Variants in LY86 observed in about 807,000 individuals in gnomAD.
The protein encoded by LY86 is lymphocyte antigen 86, also known as MD-1, RP105-associated.
A neutral mutation model predicts 17.3 loss-of-function variants in LY86; 20 were observed. The ratio of observed to expected loss-of-function variants is 1.15; its 90% CI spans 0.81 to 1.68. The LOEUF (loss-of-function observed/expected upper bound fraction) is 1.68. LY86 is among the 40% of genes most tolerant of loss of function. The pLI, the probability that LY86 is intolerant of heterozygous loss-of-function variation, is 0.00. For missense variants in LY86, 200 were observed against 191.9 expected, an observed-to-expected ratio of 1.04 and a Z score of -0.25; for synonymous variants, 74 against 70.6, an observed-to-expected ratio of 1.05 and a Z score of -0.24.
chr6:6,633,682 C>G (rs1291231714), intron 3 of LY86, among the ~76,000 whole-genome samples: 1 of 152,182 alleles, frequency 6.6e-6, no homozygotes, highest in East Asian at 1.9e-4. Flanking sequence ...GACATGTCAA[C>G]TATCAAACCT....
At chr6:6,603,808 C>A (rs1234519375) in intron 1 of LY86, among the ~76,000 whole-genome samples, 3 of 151,650 alleles carry the variant, frequency 2.0e-5, no homozygotes, top group African/African-American at 4.8e-5. Flanking sequence ...GAAGCTACAA[C>A]CTTCTAAGAG....
intron 3 of LY86, among the ~76,000 whole-genome samples, chr6:6,643,263 G>A (rs1051926049): frequency 5.3e-5 from 8 of 152,148 alleles, no homozygotes; most frequent in Non-Finnish European, 1.2e-4. Flanking sequence ...TAGCCAAGAT[G>A]TAAAAACAAC....
intron 1 of LY86, among the ~76,000 whole-genome samples, chr6:6,600,954 T>C (rs946355977): frequency 1.3e-5 from 2 of 152,198 alleles, no homozygotes; most frequent in African/African-American, 4.8e-5. Flanking sequence ...TGCCTCACAC[T>C]TGACTTCAGT....
rs770610886 is a variant in LY86 at position 6,588,721 on chromosome 6, T to C, written c.-14T>C. 2 of 1,613,722 alleles carry C rather than the reference T, an allele frequency of 1.2e-6. No homozygotes were observed. Among genetic ancestry groups the C allele is most frequent in the Non-Finnish European group, 1.7e-6 (2 of 1,179,692 alleles). The stretch of plus-strand genomic sequence containing the variant: ...GCCGGTTATTTTTCTGTGTGTCCCA[T>C]ACAGGCCCCCACCATGAAGGGTTTC... On this transcript the variant is annotated 5_prime_UTR_variant, in exon 1 of 5. Transcript: ENST00000230568.
rs372763230 is a variant in LY86, at chr6:6,619,448, T to C, written c.137-5478T>C. 2.8e-4 allele frequency among the ~76,000 whole-genome samples: 43 copies of C among 152,344 alleles called. No individual in the cohort carries two copies. The South Asian group carries it at 8.9e-3, about 32-fold the overall frequency. Reference sequence around the variant, plus strand: ...TAAACAACCATCCAGTACTGTTTTATTGAGCAGTCAGAAGCAGACCAGCTT... The same window carrying C: ...TAAACAACCATCCAGTACTGTTTTACTGAGCAGTCAGAAGCAGACCAGCTT... On this transcript the variant is annotated intron_variant, in intron 1 of 4. Transcript: ENST00000230568.
chr6:6,598,469 C>A (rs1760788220), intron 1 of LY86, among the ~76,000 whole-genome samples: 1 of 152,232 alleles, frequency 6.6e-6, no homozygotes, highest in African/African-American at 2.4e-5. Context: ...AAGATAAAGG[C>A]TATCTCTTCA....
chr6:6,605,917 A>G (rs892694617), intron 1 of LY86, among the ~76,000 whole-genome samples: 1 of 152,180 alleles, frequency 6.6e-6, no homozygotes, highest in African/African-American at 2.4e-5. Flanking sequence ...TCAGGAATGA[A>G]GCTGCAGACC....
intron 1 of LY86, chr6:6,622,701 T>C (rs1201516807): frequency 6.6e-6 from 1 of 152,032 alleles, no homozygotes; most frequent in Non-Finnish European, 1.5e-5. Flanking sequence ...ATGATGCATC[T>C]TCCAGGTCAG....
intron 3 of LY86, among the ~76,000 whole-genome samples, chr6:6,631,905 A>G (rs1761903685): frequency 6.6e-6 from 1 of 152,212 alleles, no homozygotes; most frequent in South Asian, 2.1e-4. Context: ...TGAAATTTAA[A>G]TTTCATTTAA....
intron 1 of LY86, among the ~76,000 whole-genome samples, chr6:6,598,645 A>C (rs1488782583): frequency 6.6e-6 from 1 of 152,098 alleles, no homozygotes; most frequent in Non-Finnish European, 1.5e-5. Context: ...TTTTTTTCTC[A>C]AGTGATGTGC....
At chr6:6,591,643 G>A (rs551207870) in intron 1 of LY86, among the ~76,000 whole-genome samples, 1 of 152,318 alleles carries the variant, frequency 6.6e-6, no homozygotes, top group African/African-American at 2.4e-5. Context: ...TATGACTAGT[G>A]AACTTTTCCA....
At chr6:6,624,525 T>C (rs1003947035) in intron 1 of LY86, among the ~76,000 whole-genome samples, 4 of 152,204 alleles carry the variant, frequency 2.6e-5, no homozygotes, top group Non-Finnish European at 4.4e-5. Context: ...CTAACTTTTG[T>C]ATCTCCCTCT....
intron 1 of LY86, among the ~76,000 whole-genome samples, chr6:6,606,233 G>T (rs2326808): frequency 0.71 from 108,570 of 151,960 alleles, 40,679 homozygotes; most frequent in Middle Eastern, 0.83. Context: ...TAGATACAGA[G>T]TGTGGACGCA....
At chr6:6,629,538 CT>C (rs957056944) in intron 3 of LY86, among the ~76,000 whole-genome samples, 1 of 152,258 alleles carries the variant, frequency 6.6e-6, no homozygotes, top group African/African-American at 2.4e-5. Context: ...GGTGAGAAAA[CT>C]TAATGTCCAC....
rs185598775 is a variant in LY86 at position 6,647,688 on chromosome 6, C to T, written c.353-1937C>T. ...TCTGACTACCATCCACTCCACTGAC[C>T]GTCTCTTCTTAGTCTCCTTGGTTGG... On this transcript the variant is annotated intron_variant, in intron 3 of 4. Coordinates refer to ENST00000230568, the MANE Select transcript of LY86 (RefSeq NM_004271.4). Among the ~76,000 whole-genome samples the T allele has an allele frequency of 9.9e-5, 15 of 152,250 alleles. No homozygotes were observed. In the East Asian group the frequency reaches 1.2e-3, roughly 12 times the overall value.
At chr6:6,643,617 T>A (rs1448021486) in intron 3 of LY86, among the ~76,000 whole-genome samples, 10 of 152,190 alleles carry the variant, frequency 6.6e-5, no homozygotes. Flanking sequence ...CACAGTGTAT[T>A]GTGCGTTGCT....
chr6:6,601,701 C>T (rs535720814), intron 1 of LY86, among the ~76,000 whole-genome samples: 1 of 150,770 alleles, frequency 6.6e-6, no homozygotes, highest in South Asian at 2.1e-4. Flanking sequence ...GCCTGGGAGA[C>T]AGAGTGAGAC....
rs1181747617 is a variant in LY86 at position 6,654,637 on chromosome 6, G to A, written c.*10G>A. 1.9e-6 allele frequency: 3 copies of A among 1,613,114 alleles called. No homozygotes were observed. Among genetic ancestry groups the A allele is most frequent in the Non-Finnish European group, 2.5e-6 (3 of 1,179,158 alleles). On this transcript the variant is annotated 3_prime_UTR_variant, in exon 5 of 5. Coordinates refer to ENST00000230568, the MANE Select transcript of LY86 (RefSeq NM_004271.4). ...TATCATGTGCTCCTGACTGTGGCCT[G>A]TAGCAAAAATCACAGCCAGCTGCAT...
chr6:6,611,875 C>G (rs991770240), intron 1 of LY86, among the ~76,000 whole-genome samples: 4 of 152,004 alleles, frequency 2.6e-5, no homozygotes, highest in Non-Finnish European at 4.4e-5. Flanking sequence ...TCCATTTTTT[C>G]TGCACCTACC....
Sources: gnomAD v4.1 joint callset for allele counts (sites outside exome capture counted in the v4.1 genomes callset) on GRCh38, gnomAD v4.1.1 for gene constraint, MANE v1.5 for transcripts, NCBI Gene and HGNC (gene_info 2026-07-23, HGNC 2026-07-21) for gene names.